The following ADAM12 variants were observed in gnomAD, a reference collection of about 807,000 sequenced individuals.
ADAM12 encodes ADAM metallopeptidase domain 12.
A neutral mutation model predicts 106.4 loss-of-function variants in ADAM12; 70 were observed. The observed-to-expected ratio is 0.66, with a 90% CI of 0.54 to 0.80. The LOEUF (loss-of-function observed/expected upper bound fraction) is 0.80, where lower values mean the gene tolerates loss of function less well. ADAM12 is among the 30% of genes least tolerant of loss of function. The probability of loss-of-function intolerance (pLI) is 0.00; values close to 1 mark genes in which losing one functional copy is unlikely to be tolerated. For synonymous variants in ADAM12, 420 were observed against 433.5 expected (o/e 0.97, Z 0.39); for missense variants, 1,010 against 1,171.9 (o/e 0.86, Z 2.02).
chr10:126,024,288 C>A (rs1953827119), intron 21 of ADAM12, among the ~76,000 whole-genome samples: 1 of 152,084 alleles, frequency 6.6e-6, no homozygotes, highest in African/African-American at 2.4e-5. Context: ...TGTTTCACTT[C>A]TTTTGAAAAA....
At chr10:126,275,688 TC>T (rs1165089831) in intron 3 of ADAM12, among the ~76,000 whole-genome samples, 1 of 152,186 alleles carries the variant, frequency 6.6e-6, no homozygotes, top group African/African-American at 2.4e-5. Context: ...TCTTTAAAAG[TC>T]ACCAGAGGCC....
intron 1 of ADAM12, among the ~76,000 whole-genome samples, chr10:126,384,156 A>G (rs942667491): frequency 4.6e-5 from 7 of 152,220 alleles, no homozygotes; most frequent in Non-Finnish European, 1.0e-4. Flanking sequence ...GCAGATAGAA[A>G]TAAAAGAAAG....
Position 126,019,755 on chromosome 10 carries a change from G to A in ADAM12, c.2600C>T (p.Thr867Ile). The A allele has an allele frequency of 6.2e-7, 1 of 1,614,170 alleles. No homozygotes were observed. Among genetic ancestry groups the A allele is most frequent in the African/African-American group, 1.3e-5 (1 of 75,054 alleles). Residue 867 changes from threonine to isoleucine, a missense_variant, in exon 22 of 23, where the codon ACT becomes ATT. Thr to Ile is a moderately conservative substitution (Grantham distance 89, BLOSUM62 -1). Coordinates refer to ENST00000448723, the MANE Select transcript of ADAM12 (RefSeq NM_001288973.2). ...ADPLARTTRL[T>I]HALARTPGQW... ...TCCTGGGGTCCTGGCCAAGGCATGA[G>A]TGAGCCGAGTTGTTCTGGCCAGAGG...
intron 3 of ADAM12, among the ~76,000 whole-genome samples, chr10:126,247,604 A>G (rs1554994723): frequency 6.6e-6 from 1 of 152,218 alleles, no homozygotes. Flanking sequence ...ACCCGATGGC[A>G]TTCCACAGCC....
intron 8 of ADAM12, among the ~76,000 whole-genome samples, chr10:126,106,403 C>T (rs1163456199): frequency 6.6e-6 from 1 of 151,936 alleles, no homozygotes; most frequent in Non-Finnish European, 1.5e-5. Flanking sequence ...CTTCGAGCCT[C>T]TCTCAATCCT....
chr10:126,255,449 A>G (rs2133695881), intron 3 of ADAM12, among the ~76,000 whole-genome samples: 1 of 152,250 alleles, frequency 6.6e-6, no homozygotes, highest in African/African-American at 2.4e-5. Flanking sequence ...CACCCTTAGA[A>G]CGCAGCCCCT....
At chr10:126,350,475 A>G (rs1855310760) in intron 1 of ADAM12, among the ~76,000 whole-genome samples, 1 of 152,208 alleles carries the variant, frequency 6.6e-6, no homozygotes. Flanking sequence ...CGGGACAGAG[A>G]CAGCTGCCTG....
chr10:126,147,300 G>C (rs1374630543), intron 4 of ADAM12, among the ~76,000 whole-genome samples: 1 of 152,104 alleles, frequency 6.6e-6, no homozygotes, highest in Non-Finnish European at 1.5e-5. Flanking sequence ...TCTCACCTGG[G>C]CTTCAGGCTG....
intron 5 of ADAM12, among the ~76,000 whole-genome samples, chr10:126,122,830 A>T (rs1956139228): frequency 6.6e-6 from 1 of 152,336 alleles, no homozygotes; most frequent in East Asian, 1.9e-4. Flanking sequence ...CCTAAAAAGA[A>T]AATGGCAGTA....
intron 4 of ADAM12, among the ~76,000 whole-genome samples, chr10:126,137,514 A>G (rs1265225214): frequency 6.6e-6 from 1 of 152,218 alleles, no homozygotes; most frequent in Non-Finnish European, 1.5e-5. Flanking sequence ...CCTCAGAAAG[A>G]AATCTCATAT....
intron 2 of ADAM12, among the ~76,000 whole-genome samples, chr10:126,290,521 C>T (rs1213645297): frequency 6.6e-6 from 1 of 152,116 alleles, no homozygotes; most frequent in Non-Finnish European, 1.5e-5. Context: ...AACCATCATG[C>T]GTGACAAAAT....
At chr10:126,078,343 C>T (rs1955143335) in intron 11 of ADAM12, among the ~76,000 whole-genome samples, 1 of 152,172 alleles carries the variant, frequency 6.6e-6, no homozygotes, top group Non-Finnish European at 1.5e-5. Flanking sequence ...GTCCCATGCC[C>T]CCCTTGCCAA....
At chr10:126,231,615 C>A (rs1244119630) in intron 3 of ADAM12, among the ~76,000 whole-genome samples, 1 of 152,146 alleles carries the variant, frequency 6.6e-6, no homozygotes, top group Non-Finnish European at 1.5e-5. Flanking sequence ...CCAAGGTCAC[C>A]CATTACCTGC....
At chr10:126,386,422 G>A (rs1856661373) in intron 1 of ADAM12, among the ~76,000 whole-genome samples, 1 of 152,042 alleles carries the variant, frequency 6.6e-6, no homozygotes, top group African/African-American at 2.4e-5. Context: ...GTATGATTTG[G>A]GGCACTGATT....
At chr10:126,175,708 T>A (rs1026495148) in intron 3 of ADAM12, among the ~76,000 whole-genome samples, 8 of 152,174 alleles carry the variant, frequency 5.3e-5, no homozygotes, top group African/African-American at 1.9e-4. Context: ...CTGGGGGCAG[T>A]TGGGAAAGAG....
intron 3 of ADAM12, among the ~76,000 whole-genome samples, chr10:126,206,662 TACC>T (rs940605392): frequency 6.6e-6 from 1 of 152,188 alleles, no homozygotes; most frequent in African/African-American, 2.4e-5. Context: ...GGCTGGCAAG[TACC>T]AACATTTCAA....
chr10:126,100,479 G>A (rs1284781505), intron 9 of ADAM12, among the ~76,000 whole-genome samples: 7 of 151,602 alleles, frequency 4.6e-5, no homozygotes, highest in Admixed American at 2.6e-4. Context: ...CGAGGTGGGC[G>A]GATCATGAGG....
intron 1 of ADAM12, among the ~76,000 whole-genome samples, chr10:126,360,675 G>A (rs149259899): frequency 1.3e-3 from 195 of 152,222 alleles, no homozygotes; most frequent in African/African-American, 4.3e-3. Flanking sequence ...AAGTCTCTAG[G>A]GAGTTCCAAA....
At position 126,254,431 on chromosome 10, in the gene ADAM12, G is replaced by A. The variant is rs181198616; in HGVS notation, c.260+24484C>T. Among the ~76,000 whole-genome samples, 71 of 152,268 alleles carry A rather than the reference G, an allele frequency of 4.7e-4. 1 individual carries two copies. Among genetic ancestry groups the A allele is most frequent in the African/African-American group, 1.6e-3 (68 of 41,556 alleles). On this transcript the variant is annotated intron_variant, in intron 3 of 22. Transcript: ENST00000448723. The stretch of plus-strand genomic sequence containing the variant: ...GTCACTGGCTCCAGGAAGAACCTGC[G>A]GTCTGGTCAGCTTCACCCCAGCAAG...
Sources: allele counts gnomAD v4.1 joint callset (sites outside exome capture counted in the v4.1 genomes callset), GRCh38; gene constraint gnomAD v4.1.1; transcripts MANE v1.5; gene names NCBI Gene and HGNC (gene_info 2026-07-23, HGNC 2026-07-21).